FGF13: variants seen among roughly 807,000 people sequenced by gnomAD.
FGF13 encodes the protein fibroblast growth factor 13.
In FGF13, 2 loss-of-function variants were observed where a neutral mutation model predicts 19.5. The ratio of observed to expected loss-of-function variants is 0.10; its 90% confidence interval spans 0.04 to 0.32. The LOEUF is 0.32. FGF13 is among the 10% of genes least tolerant of loss of function. The probability of loss-of-function intolerance (pLI) is 1.00; values close to 1 mark genes in which losing one functional copy is unlikely to be tolerated. For synonymous variants in FGF13, 72 were observed against 76.9 expected (o/e 0.94, Z 0.33); for missense variants, 113 against 192.7 (o/e 0.59, Z 2.45).
chrX:139,095,632 G>A (rs2083465855), intron 1 of FGF13, among the ~76,000 whole-genome samples: 1 of 111,963 alleles, frequency 8.9e-6, no homozygotes, highest in African/African-American at 3.2e-5. Context: ...CTTTAAAACT[G>A]GAGATGATAA....
intron 1 of FGF13, among the ~76,000 whole-genome samples, chrX:138,722,140 A>G (rs368531722): frequency 1.8e-5 from 2 of 111,868 alleles, no homozygotes; most frequent in South Asian, 7.4e-4. Context: ...GTCAGATGGT[A>G]GAGGAGGCCA....
intron 3 of FGF13, among the ~76,000 whole-genome samples, chrX:138,682,080 G>C (rs2089734847): frequency 8.9e-6 from 1 of 112,179 alleles, no homozygotes; most frequent in Non-Finnish European, 1.9e-5. Context: ...CTTGATGCAG[G>C]GTTGCCACAA....
At chrX:139,188,354 C>T (rs1239905003) in intron 1 of FGF13, among the ~76,000 whole-genome samples, 5 of 112,148 alleles carry the variant, frequency 4.5e-5, no homozygotes, top group African/African-American at 1.3e-4. Context: ...GGATTGAGGG[C>T]GTTTATTACA....
chrX:138,984,573 AAGAAGAAGAAGAAGAAGGAGGAGG>A (rs1779779722), intron 1 of FGF13, among the ~76,000 whole-genome samples: 7 of 53,504 alleles, frequency 1.3e-4, no homozygotes, highest in African/African-American at 5.0e-4. Context: ...GAAGAAGAAG[AAGAAGAAGAAGAAGAAGGAGGAGG>A]AGGAGGAGGA....
intron 3 of FGF13, among the ~76,000 whole-genome samples, chrX:138,808,864 G>C (rs879169760): frequency 2.7e-5 from 3 of 111,662 alleles, no homozygotes; most frequent in Admixed American, 9.5e-5. Flanking sequence ...ATAAATTCCT[G>C]GACACATACA....
chrX:138,789,779 C>T (rs967806137), intron 3 of FGF13, among the ~76,000 whole-genome samples: 1 of 109,221 alleles, frequency 9.2e-6, no homozygotes, highest in African/African-American at 3.3e-5. Context: ...GGCCCGGTGG[C>T]TCATGCCTGT....
chrX:138,810,188 A>G (rs987793414), intron 3 of FGF13, among the ~76,000 whole-genome samples: 1 of 112,114 alleles, frequency 8.9e-6, no homozygotes, highest in African/African-American at 3.2e-5. Context: ...ACCTGACTTC[A>G]AACTATACTA....
intron 1 of FGF13, among the ~76,000 whole-genome samples, chrX:139,081,440 T>C (rs1442270615): frequency 9.0e-6 from 1 of 111,198 alleles, no homozygotes; most frequent in African/African-American, 3.3e-5. Flanking sequence ...TTATCACTTT[T>C]CCATCTACAC....
At chrX:139,154,227 G>A (rs2083959023) in intron 1 of FGF13, among the ~76,000 whole-genome samples, 1 of 111,630 alleles carries the variant, frequency 9.0e-6, no homozygotes, top group Non-Finnish European at 1.9e-5. Context: ...ATGAGGTTCT[G>A]GCTAAACAGA....
chrX:138,999,848 G>T (rs1048317797), intron 1 of FGF13, among the ~76,000 whole-genome samples: 8 of 111,926 alleles, frequency 7.1e-5, no homozygotes, highest in African/African-American at 2.6e-4. Flanking sequence ...AGGCCAGCAT[G>T]ATCCTGATAA....
chrX:138,646,444 G>A (rs760818291), intron 3 of FGF13, among the ~76,000 whole-genome samples: 1 of 111,742 alleles, frequency 8.9e-6, no homozygotes, highest in Admixed American at 9.5e-5. Context: ...AGCTCCAACT[G>A]ATCCTGAGTT....
In FGF13 at chrX:138,627,392, A is replaced by C. The variant is rs1370615403; in HGVS notation, c.*5458T>G. ...CATTATTACAGTACAAAATATGTAG[A>C]TATGCTAACATGTTGTAGGGCAAAC... On this transcript the variant is annotated 3_prime_UTR_variant, in exon 5 of 5. Transcript: ENST00000315930. 9.0e-6 allele frequency: 1 copy of C among 111,632 alleles called. No individual in the cohort carries two copies. The highest frequency in any genetic ancestry group is 1.9e-5 in the Non-Finnish European group (1 of 53,191). 9.2% of individuals were successfully genotyped at this position (111,632 alleles called of 1,213,427 possible).
intron 1 of FGF13, among the ~76,000 whole-genome samples, chrX:139,066,194 G>C (rs1290455311): frequency 8.9e-6 from 1 of 111,763 alleles, no homozygotes; most frequent in Non-Finnish European, 1.9e-5. Context: ...GAAATTTGTA[G>C]CACTAAATGC....
At chrX:139,036,155 C>T (rs1418590443) in intron 1 of FGF13, among the ~76,000 whole-genome samples, 1 of 111,785 alleles carries the variant, frequency 8.9e-6, no homozygotes, top group Non-Finnish European at 1.9e-5. Context: ...GCAACAGAAA[C>T]ATCCCGCCAT....
chrX:139,195,901 C>T (rs777234462), intron 1 of FGF13, among the ~76,000 whole-genome samples: 2 of 112,156 alleles, frequency 1.8e-5, no homozygotes, highest in East Asian at 5.6e-4. Flanking sequence ...TGTGGAGCTA[C>T]GCTTTGTTGT....
chrX:138,900,904 A>G (rs1429392350), intron 1 of FGF13, among the ~76,000 whole-genome samples: 1 of 111,579 alleles, frequency 9.0e-6, no homozygotes, highest in East Asian at 2.8e-4. Flanking sequence ...CTTGGCCTGG[A>G]TCACTCATTA....
In FGF13 at chrX:138,711,703, C is replaced by G; in HGVS notation, c.-700G>C. On this transcript the variant is annotated 5_prime_UTR_variant, in exon 1 of 5. Transcript: ENST00000315930. ...GGAATTCAGCCGCCGCAGGCACCCTCCGGAACAGCGCGACAGCCTCCTTGC... is the reference window on the plus strand; with the variant it reads ...GGAATTCAGCCGCCGCAGGCACCCTGCGGAACAGCGCGACAGCCTCCTTGC... 2.7e-6 allele frequency: 2 copies of G among 753,700 alleles called. No homozygotes were observed. The highest frequency in any genetic ancestry group is 1.6e-6 in the Non-Finnish European group (1 of 638,396). 62.1% of individuals were successfully genotyped at this position (753,700 alleles called of 1,213,427 possible). A position where few individuals can be genotyped will look rare whatever the true frequency, so the allele number is the denominator to read the frequency against.
chrX:138,775,402 A>G (rs376149086), intron 3 of FGF13, among the ~76,000 whole-genome samples: 4 of 112,424 alleles, frequency 3.6e-5, no homozygotes, highest in East Asian at 5.6e-4. Context: ...TAATGCAAAT[A>G]TTTTATTCTT....
At chrX:138,754,492 C>T (rs1321214589) in intron 3 of FGF13, among the ~76,000 whole-genome samples, 1 of 110,880 alleles carries the variant, frequency 9.0e-6, no homozygotes, top group Non-Finnish European at 1.9e-5. Context: ...TCTTTTGCTG[C>T]TGCCATTGGG....
Sources: gnomAD v4.1 joint callset for allele counts (sites outside exome capture counted in the v4.1 genomes callset) on GRCh38, gnomAD v4.1.1 for gene constraint, MANE v1.5 for transcripts, NCBI Gene and HGNC (gene_info 2026-07-23, HGNC 2026-07-21) for gene names.